Variants in DLGAP2 observed in about 807,000 individuals in gnomAD.
DLGAP2 encodes the protein DLG associated protein 2.
DLGAP2 carries 26 observed loss-of-function variants against 100.3 expected under a neutral mutation model. The ratio of observed to expected loss-of-function variants is 0.26; its 90% CI spans 0.19 to 0.36. The LOEUF is 0.36. Ranked by LOEUF, DLGAP2 falls within the 10% of genes least tolerant of loss-of-function variation. The probability of loss-of-function intolerance (pLI) is 1.00; values close to 1 mark genes in which losing one functional copy is unlikely to be tolerated. For missense variants in DLGAP2, 1,858 were observed against 1,453.2 expected (o/e 1.28, Z -4.53); for synonymous variants, 886 against 630.1 (o/e 1.41, Z -6.08).
At chr8:819,739 G>C (rs1040662708) in intron 1 of DLGAP2, among the ~76,000 whole-genome samples, 4 of 152,162 alleles carry the variant, frequency 2.6e-5, no homozygotes, top group African/African-American at 9.7e-5. Context: ...GAATGTGTAA[G>C]ATTTATAGGA....
At chr8:748,462 C>T (rs1002209394) in intron 1 of DLGAP2, among the ~76,000 whole-genome samples, 25 of 152,150 alleles carry the variant, frequency 1.6e-4, no homozygotes, top group Admixed American at 1.2e-3. Context: ...GCCATGTGGG[C>T]GTTGGTGGGT....
intron 3 of DLGAP2, among the ~76,000 whole-genome samples, chr8:1,274,274 C>G (rs1487293213): frequency 6.6e-6 from 1 of 152,044 alleles, no homozygotes; most frequent in Admixed American, 6.6e-5. Context: ...CATAAGTGTA[C>G]TGGAATGACG....
intron 3 of DLGAP2, among the ~76,000 whole-genome samples, chr8:1,422,606 C>T (rs1797126620): frequency 6.7e-6 from 1 of 149,642 alleles, no homozygotes. Context: ...AGGGTGGATG[C>T]ATCTTGAGAA....
At chr8:1,628,692 T>A (rs556333904) in intron 7 of DLGAP2, among the ~76,000 whole-genome samples, 246 of 147,834 alleles carry the variant, frequency 1.7e-3, no homozygotes, top group African/African-American at 6.1e-3. Flanking sequence ...TGACCTCACA[T>A]TCTCTCTGAC....
chr8:1,125,126 C>G (rs79635383), intron 2 of DLGAP2, among the ~76,000 whole-genome samples: 1 of 152,198 alleles, frequency 6.6e-6, no homozygotes. Context: ...ACCATTTTCC[C>G]AAGATTGACT....
At chr8:1,236,043 CT>C (rs1201950799) in intron 2 of DLGAP2, among the ~76,000 whole-genome samples, 2 of 68,990 alleles carry the variant, frequency 2.9e-5, no homozygotes, top group East Asian at 8.3e-4. Flanking sequence ...ATGTCTAGTT[CT>C]CTCTCACATG....
rs1310928336 is a variant in DLGAP2, at chr8:1,140,387, C to T, written c.74-118464C>T. ...CCTGCTCCGTCCTCTTTGCAGTCTC[C>T]TCCATGCCTCATGCCCTAGGGTGCT... On this transcript the variant is annotated intron_variant, in intron 2 of 14. Coordinates refer to ENST00000637795, the MANE Select transcript of DLGAP2 (RefSeq NM_001346810.2). 2.8e-5 allele frequency among the ~76,000 whole-genome samples: 4 copies of T among 145,436 alleles called. No individual in the cohort carries two copies. The Admixed American group carries it at 2.9e-4, about 10-fold the overall frequency.
At chr8:1,353,553 T>A (rs1431302023) in intron 3 of DLGAP2, among the ~76,000 whole-genome samples, 1 of 152,226 alleles carries the variant, frequency 6.6e-6, no homozygotes, top group South Asian at 2.1e-4. Context: ...AGCTTAGCTG[T>A]ATTAAATGCA....
chr8:806,104 T>G (rs893427953), intron 1 of DLGAP2, among the ~76,000 whole-genome samples: 1 of 152,224 alleles, frequency 6.6e-6, no homozygotes, highest in Non-Finnish European at 1.5e-5. Flanking sequence ...AGTTATCAGC[T>G]TAAGACTCAA....
At chr8:1,670,740 C>T (rs914503964) in intron 10 of DLGAP2, among the ~76,000 whole-genome samples, 38 of 152,218 alleles carry the variant, frequency 2.5e-4, no homozygotes, top group African/African-American at 7.2e-4. Context: ...TGTGAGCTGG[C>T]GGTCTCACAA....
intron 2 of DLGAP2, among the ~76,000 whole-genome samples, chr8:1,083,317 T>C (rs1380887497): frequency 2.6e-5 from 4 of 152,220 alleles, no homozygotes; most frequent in African/African-American, 7.2e-5. Context: ...TTTTTAATTC[T>C]TCACGGGCTG....
chr8:1,329,020 G>T (rs1801087627), intron 3 of DLGAP2, among the ~76,000 whole-genome samples: 1 of 152,256 alleles, frequency 6.6e-6, no homozygotes, highest in Admixed American at 6.5e-5. Context: ...GAGTCCACAT[G>T]CTGGGCACAT....
chr8:803,239 C>G (rs952030986), intron 1 of DLGAP2, among the ~76,000 whole-genome samples: 3 of 152,216 alleles, frequency 2.0e-5, no homozygotes, highest in Non-Finnish European at 4.4e-5. Flanking sequence ...CCATGTTTCT[C>G]CAGTGTGGAA....
In DLGAP2 at chr8:849,031, C is replaced by T. The variant is rs545069470; in HGVS notation, c.19-58881C>T. On this transcript the variant is annotated intron_variant, in intron 1 of 14. Coordinates refer to ENST00000637795, the MANE Select transcript of DLGAP2 (RefSeq NM_001346810.2). ...GTGCCTGTTCCAGTATAGGAATGTG[C>T]GGTGCCTGTTCCAGTATAGGATGTG... Among the ~76,000 whole-genome samples the T allele has an allele frequency of 9.2e-5, 14 of 151,840 alleles. No individual in the cohort carries two copies. The East Asian group carries it at 1.7e-3, about 19-fold the overall frequency.
chr8:1,381,782 AGTGTGT>A lies in DLGAP2; in HGVS notation c.107-119547_107-119542del, dbSNP rs72529197. Among the ~76,000 whole-genome samples the A allele has an allele frequency of 7.3e-3, 1,033 of 141,770 alleles. 3 individuals are homozygous for A. Among genetic ancestry groups the A allele is most frequent in the African/African-American group, 0.017 (657 of 38,022 alleles). The allele number at this position is 141,770 out of a possible 152,430, so 93.0% of individuals were successfully genotyped here. On this transcript the variant is annotated intron_variant, in intron 3 of 14. Coordinates refer to ENST00000637795, the MANE Select transcript of DLGAP2 (RefSeq NM_001346810.2). ...CCTTAGTAAATCTGAGGGTTATTCT[AGTGTGT>A]GTGTGTGTGTGTGTGTGTGTGTGTG... is the stretch of plus-strand genomic sequence containing the variant.
chr8:760,939 G>C (rs1292587711), intron 1 of DLGAP2, among the ~76,000 whole-genome samples: 1 of 152,184 alleles, frequency 6.6e-6, no homozygotes. Flanking sequence ...TTTTTGAGAG[G>C]AAGAATATTC....
intron 2 of DLGAP2, among the ~76,000 whole-genome samples, chr8:965,400 G>A (rs1320967998): frequency 1.4e-5 from 1 of 70,398 alleles, no homozygotes; most frequent in African/African-American, 6.5e-5. Context: ...CATCACACAC[G>A]CGGCTCCAGA....
At chr8:1,282,414 G>T (rs1461040339) in intron 3 of DLGAP2, among the ~76,000 whole-genome samples, 20,113 of 117,622 alleles carry the variant, frequency 0.17, 3,552 homozygotes, top group South Asian at 0.33. Context: ...CCTGAACCCA[G>T]CGCCCTGAAC....
At chr8:1,384,548 G>A (rs68084829) in intron 3 of DLGAP2, among the ~76,000 whole-genome samples, 2 of 121,162 alleles carry the variant, frequency 1.7e-5, no homozygotes, top group African/African-American at 3.3e-5. Context: ...ACCCCGGCCT[G>A]TGCCCGGCCC....
Sources: gnomAD v4.1 joint callset for allele counts (sites outside exome capture counted in the v4.1 genomes callset) on GRCh38, gnomAD v4.1.1 for gene constraint, MANE v1.5 for transcripts, NCBI Gene and HGNC (gene_info 2026-07-23, HGNC 2026-07-21) for gene names.